Variants in SLC4A7 observed in about 807,000 individuals in gnomAD.
The protein encoded by SLC4A7 is solute carrier family 4 member 7.
A neutral mutation model predicts 137.6 loss-of-function variants in SLC4A7; 51 were observed. The ratio of observed to expected loss-of-function variants is 0.37; its 90% CI spans 0.30 to 0.47. The LOEUF (loss-of-function observed/expected upper bound fraction) is 0.47, where lower values mean the gene tolerates loss of function less well. Ranked by LOEUF, SLC4A7 falls within the 20% of genes least tolerant of loss-of-function variation. The pLI is 1.00. For missense variants in SLC4A7, 1,247 were observed against 1,525.4 expected, an observed-to-expected ratio of 0.82 and a Z score of 3.04; for synonymous variants, 542 against 518.6, an observed-to-expected ratio of 1.05 and a Z score of -0.61.
intron 24 of SLC4A7, among the ~76,000 whole-genome samples, chr3:27,380,231 C>A (rs921816975): frequency 6.6e-6 from 1 of 151,312 alleles, no homozygotes; most frequent in Non-Finnish European, 1.5e-5. Context: ...CTCTTGAACC[C>A]GGGGGGCAGA....
chr3:27,484,038 G>T lies in SLC4A7; in HGVS notation c.60+29C>A. 2.2e-6 allele frequency: 3 copies of T among 1,383,690 alleles called. No homozygotes were observed. The South Asian group carries it at 4.6e-5, about 21-fold the overall frequency. The allele number at this position is 1,383,690 out of a possible 1,614,324, so 85.7% of individuals were successfully genotyped here. ...CCTCGCCCCGCGCCCTCCCCCTGCG[G>T]AGGAGCCCCACCGCCGCGGCGCCCT... is the stretch of plus-strand genomic sequence containing the variant. On this transcript the variant is annotated intron_variant, in intron 1 of 25. Coordinates refer to ENST00000454389, the MANE Select transcript of SLC4A7 (RefSeq NM_001321103.2).
Position 27,404,814 on chromosome 3 carries a change from GA to G in SLC4A7, c.2075+15del. ...ATATATAACACATGTGATAAGTAGA[GA>G]GGGCTATTACTTACCTGCAGAATTT... On this transcript the variant is annotated intron_variant, in intron 14 of 25. Coordinates refer to ENST00000454389, the MANE Select transcript of SLC4A7 (RefSeq NM_001321103.2). 6.4e-7 allele frequency: 1 copy of G among 1,563,532 alleles called. No homozygotes were observed. The highest frequency in any genetic ancestry group is 1.2e-5 in the South Asian group (1 of 85,792).
Position 27,411,734 on chromosome 3 carries a change from A to G in SLC4A7, c.1674T>C (p.Ile558=). The stretch of plus-strand genomic sequence containing the variant: ...GGGTAGATCCATTGTGAAACACAGG[A>G]ATCTTTCTCTTTTCCTGAATTTCAC... The part of the protein sequence containing the change: ...KSVPSQEKRK[I]PVFHNGSTPT... Residue 558 remains isoleucine, a synonymous_variant, in exon 12 of 26, where the codon ATT becomes ATC. Coordinates refer to ENST00000454389, the MANE Select transcript of SLC4A7 (RefSeq NM_001321103.2). 1 of 1,522,690 alleles carries G rather than the reference A, an allele frequency of 6.6e-7. No homozygotes were observed. 94.3% of individuals were successfully genotyped at this position (1,522,690 alleles called of 1,614,324 possible). A position where few individuals can be genotyped will look rare whatever the true frequency, so the allele number is the denominator to read the frequency against.
At chr3:27,395,153 T>A in intron 18 of SLC4A7, 38 bp from the exon 19 acceptor site, 1 of 1,448,624 alleles carries the variant, frequency 6.9e-7, no homozygotes, top group Non-Finnish European at 9.3e-7. Flanking sequence ...AAAAGTCTCC[T>A]TGCTGTATTG....
intron 1 of SLC4A7, among the ~76,000 whole-genome samples, chr3:27,478,015 A>G (rs970219920): frequency 9.9e-5 from 15 of 152,160 alleles, no homozygotes; most frequent in Admixed American, 7.2e-4. Context: ...ACCATTTCTC[A>G]TGTTCCTAAT....
chr3:27,393,834 A>G (rs1436287475), intron 20 of SLC4A7, among the ~76,000 whole-genome samples: 1 of 152,174 alleles, frequency 6.6e-6, no homozygotes, highest in Admixed American at 6.5e-5. Context: ...AAAGCCAACA[A>G]GAGGGATGTG....
chr3:27,437,771 A>C (rs1044154749), intron 3 of SLC4A7, among the ~76,000 whole-genome samples: 1 of 152,236 alleles, frequency 6.6e-6, no homozygotes, highest in East Asian at 1.9e-4. Context: ...GAAAATAAAC[A>C]AGTCAAACTA....
In SLC4A7 at chr3:27,471,652, G is replaced by A. The variant is rs531813986; in HGVS notation, c.60+12415C>T. ...CTCCCAAAGTGCTGAGATTACAGGC[G>A]TGAGCCACCGCGCCCAGCTTCCAAT... On this transcript the variant is annotated intron_variant, in intron 1 of 25. Transcript: ENST00000454389. Among the ~76,000 whole-genome samples the A allele has an allele frequency of 8.5e-5, 13 of 152,284 alleles. No individual in the cohort carries two copies. The South Asian group carries it at 1.0e-3, about 12-fold the overall frequency.
intron 3 of SLC4A7, among the ~76,000 whole-genome samples, chr3:27,441,899 A>G (rs908946611): frequency 8.2e-5 from 12 of 145,940 alleles, no homozygotes; most frequent in African/African-American, 2.8e-4. Context: ...TATTAGTTTG[A>G]CTTTTTTTTT....
chr3:27,415,999 G>A (rs1012380341), intron 11 of SLC4A7, among the ~76,000 whole-genome samples: 2 of 152,172 alleles, frequency 1.3e-5, no homozygotes, highest in African/African-American at 4.8e-5. Flanking sequence ...TACATACCAA[G>A]AATTCAACTT....
intron 16 of SLC4A7, among the ~76,000 whole-genome samples, chr3:27,400,287 C>T (rs369873091): frequency 6.6e-6 from 1 of 152,172 alleles, no homozygotes; most frequent in African/African-American, 2.4e-5. Context: ...TCGACCCAGA[C>T]TAGTCTTGAT....
intron 11 of SLC4A7, among the ~76,000 whole-genome samples, 156 bp from the exon 12 acceptor site, chr3:27,411,904 T>C (rs1414617793): frequency 6.6e-6 from 1 of 152,202 alleles, no homozygotes; most frequent in African/African-American, 2.4e-5. Flanking sequence ...TCTTCTGAAA[T>C]AGATTGCTCT....
intron 1 of SLC4A7, among the ~76,000 whole-genome samples, chr3:27,472,015 CAG>C (rs1314643845): frequency 1.3e-5 from 2 of 152,176 alleles, no homozygotes; most frequent in African/African-American, 4.8e-5. Flanking sequence ...TCTAGATTAG[CAG>C]AGAGGCAGCC....
At chr3:27,471,918 A>C (rs1169827573) in intron 1 of SLC4A7, among the ~76,000 whole-genome samples, 1 of 152,218 alleles carries the variant, frequency 6.6e-6, no homozygotes, top group Non-Finnish European at 1.5e-5. Flanking sequence ...TGTGAGGCCG[A>C]TTGAAAAAGC....
At position 27,398,046 on chromosome 3, in the gene SLC4A7, C is replaced by T. The variant is rs570883896; in HGVS notation, c.2589+146G>A. On this transcript the variant is annotated intron_variant, in intron 17 of 25. Transcript: ENST00000454389. ...ACTGTGAGCTCAGGCACGTAATATA[C>T]ATTTTTCACTACGAATAATTTCTTT... The T allele has an allele frequency of 4.4e-5, 29 of 663,848 alleles. No individual in the cohort carries two copies. In the Admixed American group the frequency reaches 4.5e-4, roughly 10 times the overall value. 41.1% of individuals were successfully genotyped at this position (663,848 alleles called of 1,614,324 possible). A position where few individuals can be genotyped will look rare whatever the true frequency, so the allele number is the denominator to read the frequency against.
chr3:27,391,712 AG>A, intron 21 of SLC4A7, 27 bp downstream of exon 21: 1 of 1,265,304 alleles, frequency 7.9e-7, no homozygotes, highest in Non-Finnish European at 1.1e-6. Context: ...AAGTTTCTAT[AG>A]AAAATCATTA....
At chr3:27,466,613 A>T (rs535917948) in intron 1 of SLC4A7, among the ~76,000 whole-genome samples, 1 of 152,274 alleles carries the variant, frequency 6.6e-6, no homozygotes, top group Admixed American at 6.5e-5. Context: ...GGATCACCTG[A>T]GGTCAGGAGT....
chr3:27,450,380 T>TGCTCAAAAGG (rs2057988670), intron 2 of SLC4A7, among the ~76,000 whole-genome samples: 1 of 152,176 alleles, frequency 6.6e-6, no homozygotes, highest in African/African-American at 2.4e-5. Context: ...GGTTGCATAA[T>TGCTCAAAAGG]ATAGTGAATA....
rs1010256856 is a variant in SLC4A7, at chr3:27,373,729, A to G, written c.*3035T>C. The G allele has an allele frequency of 2.6e-5, 4 of 152,508 alleles. No individual in the cohort carries two copies. Among genetic ancestry groups the G allele is most frequent in the Non-Finnish European group, 5.9e-5 (4 of 67,994 alleles). 9.4% of individuals were successfully genotyped at this position (152,508 alleles called of 1,614,324 possible). On this transcript the variant is annotated 3_prime_UTR_variant, in exon 26 of 26. Coordinates refer to ENST00000454389, the MANE Select transcript of SLC4A7 (RefSeq NM_001321103.2). ...TGTGAAAGAAAAAAATTAGAAAGCT[A>G]TATTATACCCACACAGAAAATTTAA...
Sources: gnomAD v4.1 joint callset for allele counts (sites outside exome capture counted in the v4.1 genomes callset) on GRCh38, gnomAD v4.1.1 for gene constraint, MANE v1.5 for transcripts, NCBI Gene and HGNC (gene_info 2026-07-23, HGNC 2026-07-21) for gene names.